The following ATP6V0A1 variants were observed in gnomAD, a reference collection of about 807,000 sequenced individuals.
ATP6V0A1 encodes the protein ATPase H+ transporting V0 subunit a1.
ATP6V0A1 carries 43 observed loss-of-function variants against 105.4 expected under a neutral mutation model. The ratio of observed to expected loss-of-function variants is 0.41; its 90% CI spans 0.32 to 0.53. The LOEUF is 0.53. Among genes scored for constraint, ATP6V0A1 ranks in the 20% least tolerant of loss-of-function variants. ATP6V0A1 has a pLI of 0.30. For synonymous variants in ATP6V0A1, 362 were observed against 372.8 expected (o/e 0.97, Z 0.33); for missense variants, 676 against 1,051.1 (o/e 0.64, Z 4.93).
In ATP6V0A1 at chr17:42,515,115, C is replaced by G. The variant is rs531302753; in HGVS notation, c.2420+655C>G. On this transcript the variant is annotated intron_variant, in intron 21 of 21. Transcript: ENST00000343619. ...AGTTCAGCCTCTGGGACTGGGAGAG[C>G]GGGGGTGTGGTCTGGGCTGTGACCA... Among the ~76,000 whole-genome samples, 109 of 152,086 alleles carry G rather than the reference C, an allele frequency of 7.2e-4. 1 individual carries two copies. The highest frequency in any genetic ancestry group is 2.2e-3 in the African/African-American group (93 of 41,494).
chr17:42,520,599 A>G lies in ATP6V0A1; in HGVS notation c.2421-428A>G, dbSNP rs774101154. 1.3e-5 allele frequency: 6 copies of G among 457,222 alleles called. No homozygotes were observed. In the East Asian group the frequency reaches 4.2e-4, roughly 32 times the overall value. The allele number at this position is 457,222 out of a possible 1,614,324, so 28.3% of individuals were successfully genotyped here. A position where few individuals can be genotyped will look rare whatever the true frequency, so the allele number is the denominator to read the frequency against. ...TCCAAGCTCGCCCTTTTGCTCCCCCAAGGAAAAATAACAAGCAAACAGAGG... is the reference window on the plus strand; with the variant it reads ...TCCAAGCTCGCCCTTTTGCTCCCCCGAGGAAAAATAACAAGCAAACAGAGG... On this transcript the variant is annotated intron_variant, in intron 21 of 21. Transcript: ENST00000343619.
chr17:42,485,835 G>C (rs193242349), intron 9 of ATP6V0A1, among the ~76,000 whole-genome samples: 1 of 152,306 alleles, frequency 6.6e-6, no homozygotes, highest in Non-Finnish European at 1.5e-5. Flanking sequence ...GGGATTACAG[G>C]AGTGAGTAAT....
rs189486194 is a variant in ATP6V0A1, at chr17:42,477,329, T to C, written c.424-331T>C. On this transcript the variant is annotated intron_variant, in intron 5 of 21. Transcript: ENST00000343619. ...CTTTCATCATTCATTCAGGGAAACG[T>C]AGGAGAGAAAATGGCTTCCACCAAG... 6.4e-4 allele frequency among the ~76,000 whole-genome samples: 97 copies of C among 152,340 alleles called. No homozygotes were observed. The Middle Eastern group carries it at 0.01, about 16-fold the overall frequency.
intron 9 of ATP6V0A1, 96 bp from the exon 10 acceptor site, chr17:42,487,059 A>G (rs565297083): frequency 8.2e-7 from 1 of 1,213,960 alleles, no homozygotes; most frequent in Non-Finnish European, 1.2e-6. Context: ...TTCCCTGGCA[A>G]CTCTTTTCAG....
At position 42,521,273 on chromosome 17, in the gene ATP6V0A1, G is replaced by C. The variant is rs1031474856; in HGVS notation, c.*153G>C. 3 of 570,566 alleles carry C rather than the reference G, an allele frequency of 5.3e-6. No individual in the cohort carries two copies. The highest frequency in any genetic ancestry group is 5.0e-4 in the Middle Eastern group (1 of 2,002). The allele number at this position is 570,566 out of a possible 1,614,324, so 35.3% of individuals were successfully genotyped here. On this transcript the variant is annotated 3_prime_UTR_variant, in exon 22 of 22. Transcript: ENST00000343619. The surrounding 1 kb of genome is among the most constrained non-coding windows in gnomAD (Gnocchi z 4.8). ...CATTTAGATAGAATAGTCCTCCTTG[G>C]GTCTCCCACCACCCCTAGCTTTGTG...
At chr17:42,498,106 T>G (rs1018874741) in intron 14 of ATP6V0A1, among the ~76,000 whole-genome samples, 3 of 151,906 alleles carry the variant, frequency 2.0e-5, no homozygotes, top group Admixed American at 6.6e-5. Flanking sequence ...CAAAATTAGC[T>G]GGGCATCGTG....
At chr17:42,494,608 A>G (rs948227618) in intron 12 of ATP6V0A1, 135 bp downstream of exon 12, 11 of 1,095,826 alleles carry the variant, frequency 1.0e-5, no homozygotes, top group Non-Finnish European at 1.1e-5. Context: ...TCATTTTAAC[A>G]CCAAAGACGA....
At chr17:42,470,017 G>T in intron 4 of ATP6V0A1, 73 bp from the exon 5 acceptor site, 2 of 1,396,304 alleles carry the variant, frequency 1.4e-6, no homozygotes, top group Admixed American at 2.4e-5. Context: ...CAGTTCTGTG[G>T]GATGAATTCA....
At chr17:42,463,783 C>T (rs1160558108) in intron 2 of ATP6V0A1, among the ~76,000 whole-genome samples, 3 of 152,194 alleles carry the variant, frequency 2.0e-5, no homozygotes, top group Middle Eastern at 3.4e-3. Context: ...TATTGATAGC[C>T]TGCTTTTGAC....
chr17:42,460,640 A>C (rs1348770693), intron 1 of ATP6V0A1, among the ~76,000 whole-genome samples: 1 of 152,176 alleles, frequency 6.6e-6, no homozygotes, highest in Non-Finnish European at 1.5e-5. Flanking sequence ...AATGGAAGTG[A>C]CTTTTCATCT....
Position 42,521,200 on chromosome 17 carries a change from G to C in ATP6V0A1, c.*80G>C, listed in dbSNP as rs2092825700. ...ATCAGCTGTGCCTCTCTGCCTGTTG[G>C]TTGTGATCTGTGGGCACCAGCTCAT... is the stretch of plus-strand genomic sequence containing the variant. On this transcript the variant is annotated 3_prime_UTR_variant, in exon 22 of 22. Coordinates refer to ENST00000343619, the MANE Select transcript of ATP6V0A1 (RefSeq NM_001130021.3). The surrounding 1 kb of genome is among the most constrained non-coding windows in gnomAD (Gnocchi z 4.8). 7.7e-7 allele frequency: 1 copy of C among 1,297,902 alleles called. No individual in the cohort carries two copies. The allele number at this position is 1,297,902 out of a possible 1,614,324, so 80.4% of individuals were successfully genotyped here. A position where few individuals can be genotyped will look rare whatever the true frequency, so the allele number is the denominator to read the frequency against.
Position 42,503,774 on chromosome 17 carries a change from G to T in ATP6V0A1, c.2004+2470G>T, listed in dbSNP as rs535114860. 7.9e-5 allele frequency among the ~76,000 whole-genome samples: 12 copies of T among 152,122 alleles called. No individual in the cohort carries two copies. The South Asian group carries it at 2.3e-3, about 29-fold the overall frequency. On this transcript the variant is annotated intron_variant, in intron 17 of 21. Transcript: ENST00000343619. ...TTTTAAACTTGGAAAATTTCTTATG[G>T]TCATCCTTCTGGAACTAGTCTAAGT...
intron 17 of ATP6V0A1, among the ~76,000 whole-genome samples, chr17:42,505,932 C>T (rs949536892): frequency 1.3e-5 from 2 of 151,746 alleles, no homozygotes; most frequent in Non-Finnish European, 2.9e-5. Flanking sequence ...GGATTACAGG[C>T]GCCCACCTCT....
At chr17:42,460,820 A>C in intron 1 of ATP6V0A1, 28 bp from the exon 2 acceptor site, 1 of 1,271,174 alleles carries the variant, frequency 7.9e-7, no homozygotes. Flanking sequence ...GTAATTTCCA[A>C]AGTTATGTCA....
intron 3 of ATP6V0A1, among the ~76,000 whole-genome samples, chr17:42,467,001 G>A (rs1567808294): frequency 2.0e-5 from 3 of 152,070 alleles, no homozygotes. Context: ...CAAAAAATTA[G>A]CTGGGCGTGG....
chr17:42,510,912 A>T (rs1161135307), intron 19 of ATP6V0A1: 1 of 152,226 alleles, frequency 6.6e-6, no homozygotes. Context: ...GATATTAAAG[A>T]AGTGAAAGCT....
In ATP6V0A1 at chr17:42,500,742, T is replaced by A. The variant is rs558687761; in HGVS notation, c.1715T>A (p.Phe572Tyr). 1.2e-6 allele frequency: 2 copies of A among 1,613,988 alleles called. No homozygotes were observed. Among genetic ancestry groups the A allele is most frequent in the Non-Finnish European group, 1.7e-6 (2 of 1,179,834 alleles). The part of the protein sequence containing the change: ...FKKPLNIYFG[F>Y]IPEIIFMTSL... ...AAGCCCCTGAATATCTACTTTGGAT[T>A]TATTCCTGAAATAATCTTCATGACC... Residue 572 changes from phenylalanine to tyrosine, a missense_variant, in exon 16 of 22, where the codon TTT (phenylalanine) becomes TAT (tyrosine). Physicochemically the swap from Phe to Tyr is conservative, Grantham distance 22 (BLOSUM62 3). Around this residue, in one of 3 missense-constraint regions of ATP6V0A1, gnomAD observed 435 missense variants for 642.2 expected, o/e 0.68. Transcript: ENST00000343619.
intron 7 of ATP6V0A1, 69 bp downstream of exon 7, chr17:42,478,658 G>A (rs1210634472): frequency 7.3e-5 from 104 of 1,431,062 alleles, no homozygotes. Flanking sequence ...AACGTAGCAT[G>A]GGGCCACCTG....
chr17:42,501,452 TC>T (rs1292134272), intron 17 of ATP6V0A1, 148 bp downstream of exon 17: 2 of 656,502 alleles, frequency 3.0e-6, no homozygotes, highest in Non-Finnish European at 4.9e-6. Flanking sequence ...TCTCGCTCTG[TC>T]CCCCAGGCTG....
Sources: allele counts gnomAD v4.1 joint callset (sites outside exome capture counted in the v4.1 genomes callset), GRCh38; gene constraint gnomAD v4.1.1; regional missense constraint gnomAD v4.1.1; non-coding constraint Gnocchi (gnomAD v3.1); transcripts MANE v1.5; gene names NCBI Gene and HGNC (gene_info 2026-07-23, HGNC 2026-07-21).